The following BMP5 variants were observed in gnomAD, a reference collection of about 807,000 sequenced individuals.
BMP5 encodes bone morphogenetic protein 5.
In BMP5, 23 loss-of-function variants were observed where a neutral mutation model predicts 46.6. That is an observed-to-expected ratio of 0.49 (90% CI 0.35 to 0.70). The LOEUF (loss-of-function observed/expected upper bound fraction) is 0.70, where lower values mean the gene tolerates loss of function less well. Among genes scored for constraint, BMP5 ranks in the 30% least tolerant of loss-of-function variants. The probability of loss-of-function intolerance (pLI) is 0.00; values close to 1 mark genes in which losing one functional copy is unlikely to be tolerated. For synonymous variants in BMP5, 204 were observed against 191.9 expected (o/e 1.06, Z -0.52); for missense variants, 545 against 565.6 (o/e 0.96, Z 0.37).
intron 1 of BMP5, among the ~76,000 whole-genome samples, chr6:55,832,476 G>A (rs186909547): frequency 3.3e-5 from 5 of 152,232 alleles, no homozygotes; most frequent in South Asian, 2.1e-4. Context: ...TGTTTATCTC[G>A]TCCTCTGAAA....
intron 1 of BMP5, among the ~76,000 whole-genome samples, chr6:55,834,321 C>A (rs1252802315): frequency 1.3e-5 from 2 of 152,038 alleles, no homozygotes; most frequent in African/African-American, 2.4e-5. Context: ...TTTTCATTAC[C>A]CCTAGTTATA....
At chr6:55,823,672 T>C (rs546318981) in intron 1 of BMP5, among the ~76,000 whole-genome samples, 1 of 152,076 alleles carries the variant, frequency 6.6e-6, no homozygotes, top group African/African-American at 2.4e-5. Context: ...AATCTAATTA[T>C]TTCTTGGGAA....
At chr6:55,799,637 G>A (rs773669998) in intron 2 of BMP5, among the ~76,000 whole-genome samples, 1 of 152,138 alleles carries the variant, frequency 6.6e-6, no homozygotes, top group Non-Finnish European at 1.5e-5. Context: ...CCTTGTGTAA[G>A]AGCAGGTACT....
intron 3 of BMP5, among the ~76,000 whole-genome samples, chr6:55,782,639 A>C (rs1435083609): frequency 6.6e-6 from 1 of 152,166 alleles, no homozygotes; most frequent in East Asian, 1.9e-4. Flanking sequence ...GTGTTACTTC[A>C]GAGAAAAATA....
intron 4 of BMP5, 37 bp downstream of exon 4, chr6:55,774,012 C>G (rs1377045738): frequency 5.0e-6 from 8 of 1,604,166 alleles, no homozygotes; most frequent in Middle Eastern, 2.0e-4. Context: ...GACCCCATAA[C>G]TCTCTGTGCA....
intron 3 of BMP5, among the ~76,000 whole-genome samples, chr6:55,777,062 C>T (rs1321721116): frequency 6.6e-6 from 1 of 151,850 alleles, no homozygotes; most frequent in Non-Finnish European, 1.5e-5. Flanking sequence ...CTTTTTACTT[C>T]AGCAATGGAG....
chr6:55,835,635 G>A (rs1562061943), intron 1 of BMP5, among the ~76,000 whole-genome samples: 2 of 152,156 alleles, frequency 1.3e-5, no homozygotes, highest in South Asian at 2.1e-4. Flanking sequence ...TTTCTCAGGA[G>A]TACATGGTCC....
At chr6:55,769,709 T>A (rs1775001728) in intron 4 of BMP5, among the ~76,000 whole-genome samples, 1 of 151,896 alleles carries the variant, frequency 6.6e-6, no homozygotes. Context: ...ATGGAAGCTG[T>A]AGAATTACAA....
intron 2 of BMP5, among the ~76,000 whole-genome samples, chr6:55,806,484 G>C (rs889606697): frequency 1.3e-5 from 2 of 152,140 alleles, no homozygotes; most frequent in South Asian, 2.1e-4. Flanking sequence ...TTGATGTATA[G>C]TTTGAAGTTA....
At chr6:55,814,683 G>GA (rs1290469047) in intron 2 of BMP5, among the ~76,000 whole-genome samples, 2 of 152,148 alleles carry the variant, frequency 1.3e-5, no homozygotes, top group African/African-American at 4.8e-5. Flanking sequence ...GGGGAGTACA[G>GA]AAAGTGAATC....
At chr6:55,830,147 G>A (rs1220068169) in intron 1 of BMP5, among the ~76,000 whole-genome samples, 2 of 152,002 alleles carry the variant, frequency 1.3e-5, no homozygotes, top group African/African-American at 4.8e-5. Flanking sequence ...TTATTAAAAT[G>A]GTGAGTTATA....
chr6:55,800,717 A>G lies in BMP5; in HGVS notation c.684-6290T>C, dbSNP rs577242455. Among the ~76,000 whole-genome samples the G allele has an allele frequency of 2.6e-5, 4 of 152,352 alleles. No individual in the cohort carries two copies. The East Asian group carries it at 7.7e-4, about 29-fold the overall frequency. ...GGATTTTAACTCTGAAAGTGACCAA[A>G]ATAAATCACAGAATACTAGAACTGA... On this transcript the variant is annotated intron_variant, in intron 2 of 6. Coordinates refer to ENST00000370830, the MANE Select transcript of BMP5 (RefSeq NM_021073.4).
At chr6:55,856,796 C>A (rs1777410336) in intron 1 of BMP5, among the ~76,000 whole-genome samples, 1 of 152,022 alleles carries the variant, frequency 6.6e-6, no homozygotes, top group African/African-American at 2.4e-5. Context: ...GCACAATCTT[C>A]ATTATGTACC....
chr6:55,845,323 T>C (rs549155564), intron 1 of BMP5, among the ~76,000 whole-genome samples: 1 of 152,100 alleles, frequency 6.6e-6, no homozygotes, highest in South Asian at 2.1e-4. Context: ...CCATACAAAT[T>C]ACTTGACATC....
At chr6:55,769,697 T>C (rs905057783) in intron 4 of BMP5, among the ~76,000 whole-genome samples, 1 of 151,914 alleles carries the variant, frequency 6.6e-6, no homozygotes, top group Non-Finnish European at 1.5e-5. Context: ...GAATCACTAT[T>C]TATGGAAGCT....
intron 4 of BMP5, among the ~76,000 whole-genome samples, chr6:55,767,606 C>T (rs1582048013): frequency 6.6e-6 from 1 of 152,018 alleles, no homozygotes; most frequent in East Asian, 1.9e-4. Flanking sequence ...TAGCTAACGA[C>T]ATACTATATG....
intron 4 of BMP5, among the ~76,000 whole-genome samples, chr6:55,761,487 A>T (rs895053048): frequency 6.6e-6 from 1 of 151,662 alleles, no homozygotes; most frequent in Admixed American, 6.6e-5. Flanking sequence ...TGATCCTATT[A>T]CCCCTCTGAC....
At chr6:55,853,678 G>A (rs1321493019) in intron 1 of BMP5, among the ~76,000 whole-genome samples, 3 of 152,098 alleles carry the variant, frequency 2.0e-5, no homozygotes, top group African/African-American at 7.2e-5. Flanking sequence ...TAATATGTAT[G>A]TAAGTTTCCA....
intron 2 of BMP5, among the ~76,000 whole-genome samples, chr6:55,799,746 T>A (rs1291360415): frequency 6.6e-6 from 1 of 152,210 alleles, no homozygotes; most frequent in Non-Finnish European, 1.5e-5. Context: ...TGGGTGATGG[T>A]GTGGGAATCC....
Sources: allele counts gnomAD v4.1 joint callset (sites outside exome capture counted in the v4.1 genomes callset), GRCh38; gene constraint gnomAD v4.1.1; transcripts MANE v1.5; gene names NCBI Gene and HGNC (gene_info 2026-07-23, HGNC 2026-07-21).